Variants in PPIG observed in about 807,000 individuals in gnomAD.
PPIG encodes the protein peptidylprolyl isomerase G.
In PPIG, 26 loss-of-function variants were observed where a neutral mutation model predicts 87.9. The ratio of observed to expected loss-of-function variants is 0.30; its 90% CI spans 0.22 to 0.41. The LOEUF is 0.41. PPIG is among the 10% of genes least tolerant of loss of function. The pLI is 1.00. For missense variants in PPIG, 722 were observed against 879.4 expected (o/e 0.82, Z 2.26); for synonymous variants, 308 against 276.5 (o/e 1.11, Z -1.13).
At chr2:169,631,286 AGTT>A (rs1257602055) in intron 10 of PPIG, among the ~76,000 whole-genome samples, 2 of 152,158 alleles carry the variant, frequency 1.3e-5, no homozygotes, top group Admixed American at 6.5e-5. Context: ...GAAAACCACC[AGTT>A]GTTTTTCCTA....
rs1406130279 is a variant in PPIG at position 169,641,138 on chromosome 2, T to A, written c.*3615T>A. ...GTGGGATGTACAAAATTGTGGCCGCTCTCTTTGTGGAAGGAAAAAACATAA... is the reference window on the plus strand; with the variant it reads ...GTGGGATGTACAAAATTGTGGCCGCACTCTTTGTGGAAGGAAAAAACATAA... On this transcript the variant is annotated 3_prime_UTR_variant, in exon 14 of 14. Coordinates refer to ENST00000260970, the MANE Select transcript of PPIG (RefSeq NM_004792.3). 1.1e-5 allele frequency: 1 copy of A among 87,830 alleles called. No homozygotes were observed. The highest frequency in any genetic ancestry group is 2.8e-5 in the Non-Finnish European group (1 of 36,032). The allele number at this position is 87,830 out of a possible 1,614,324, so 5.4% of individuals were successfully genotyped here. A position where few individuals can be genotyped will look rare whatever the true frequency, so the allele number is the denominator to read the frequency against.
Position 169,636,815 on chromosome 2 carries a change from G to A in PPIG, c.1557G>A (p.Lys519=). 6.2e-7 allele frequency: 1 copy of A among 1,613,480 alleles called. No individual in the cohort carries two copies. The highest frequency in any genetic ancestry group is 1.1e-5 in the South Asian group (1 of 91,024). Residue 519 remains lysine (K), a synonymous_variant, in exon 14 of 14, where the codon AAG becomes AAA. Coordinates refer to ENST00000260970, the MANE Select transcript of PPIG (RefSeq NM_004792.3). ...AGGAAAGGAGTAGAAGTAAAGAGAA[G>A]TCTAAACAGTTAGAATCAAAGAGTA... is the stretch of plus-strand genomic sequence containing the variant. The part of the protein sequence containing the change: ...KDQERSRSKE[K]SKQLESKSNE...
chr2:169,627,954 CT>C, intron 9 of PPIG, among the ~76,000 whole-genome samples: 1 of 151,904 alleles, frequency 6.6e-6, no homozygotes, highest in South Asian at 2.1e-4. Flanking sequence ...AATTTATTTT[CT>C]GTGTTAGATT....
chr2:169,629,823 C>G (rs1311619164), intron 9 of PPIG, among the ~76,000 whole-genome samples: 2 of 152,016 alleles, frequency 1.3e-5, no homozygotes, highest in African/African-American at 4.8e-5. Context: ...GAGCTATTTC[C>G]CTTCATTCAT....
At chr2:169,609,915 G>A (rs953498468) in intron 7 of PPIG, among the ~76,000 whole-genome samples, 4 of 152,150 alleles carry the variant, frequency 2.6e-5, no homozygotes, top group African/African-American at 9.7e-5. Flanking sequence ...AATGCAGTCA[G>A]TTCTCACTAT....
chr2:169,627,551 G>C (rs572086900), intron 9 of PPIG, among the ~76,000 whole-genome samples: 51 of 152,134 alleles, frequency 3.4e-4, no homozygotes, highest in Middle Eastern at 3.4e-3. Flanking sequence ...TTTGGAGACA[G>C]GTTCTCACTC....
intron 12 of PPIG, 108 bp downstream of exon 12, chr2:169,633,355 A>T (rs1322417930): frequency 2.4e-6 from 2 of 831,188 alleles, no homozygotes; most frequent in Non-Finnish European, 4.0e-6. Flanking sequence ...ACTAAAATTT[A>T]GGGGAGATGC....
At position 169,635,006 on chromosome 2, in the gene PPIG, A is replaced by G. The variant is rs117592925; in HGVS notation, c.1018-1086A>G. ...ATAAGCACACATTCCATTAGCTGTG[A>G]AAGTAATGATATCAAAACATGTAAA... On this transcript the variant is annotated intron_variant, in intron 12 of 13. Transcript: ENST00000260970. Among the ~76,000 whole-genome samples, 19 of 152,288 alleles carry G rather than the reference A, an allele frequency of 1.2e-4. No homozygotes were observed. In the South Asian group the frequency reaches 3.9e-3, roughly 32 times the overall value.
Position 169,608,547 on chromosome 2 carries a change from A to G in PPIG, c.290-124A>G, listed in dbSNP as rs1379661964. On this transcript the variant is annotated intron_variant, in intron 6 of 13. Transcript: ENST00000260970. ...ATTTGATTCTCTTCTTTCATAACCT[A>G]ACTTTATTATCTAAGTAAGTTGTGT... 1.5e-5 allele frequency: 8 copies of G among 534,846 alleles called. No individual in the cohort carries two copies. In the East Asian group the frequency reaches 2.7e-4, roughly 18 times the overall value. The allele number at this position is 534,846 out of a possible 1,614,324, so 33.1% of individuals were successfully genotyped here. A position where few individuals can be genotyped will look rare whatever the true frequency, so the allele number is the denominator to read the frequency against.
chr2:169,588,546 G>A (rs373543016), intron 1 of PPIG, among the ~76,000 whole-genome samples: 34 of 152,164 alleles, frequency 2.2e-4, no homozygotes, highest in East Asian at 2.1e-3. Context: ...ATTTTTTTAC[G>A]TAGGAATTAC....
intron 2 of PPIG, 42 bp from the exon 3 acceptor site, chr2:169,603,984 G>C: frequency 6.9e-7 from 1 of 1,452,362 alleles, no homozygotes; most frequent in Non-Finnish European, 9.5e-7. Flanking sequence ...AAAGATCTTT[G>C]CTATTTTAGT....
chr2:169,590,707 GCTAA>G (rs1432796224), intron 1 of PPIG, among the ~76,000 whole-genome samples: 1 of 152,142 alleles, frequency 6.6e-6, no homozygotes, highest in African/African-American at 2.4e-5. Context: ...GTGAACTCTG[GCTAA>G]CTAATTATCT....
chr2:169,593,339 C>T (rs958688362), intron 1 of PPIG, among the ~76,000 whole-genome samples: 1 of 152,000 alleles, frequency 6.6e-6, no homozygotes, highest in Non-Finnish European at 1.5e-5. Context: ...GAATTACAGA[C>T]ACCCACCACC....
intron 7 of PPIG, among the ~76,000 whole-genome samples, chr2:169,611,491 T>A (rs1228801690): frequency 6.6e-6 from 1 of 152,218 alleles, no homozygotes; most frequent in Non-Finnish European, 1.5e-5. Context: ...TTCAAACTGC[T>A]CCAATGAACA....
intron 1 of PPIG, among the ~76,000 whole-genome samples, chr2:169,597,789 AC>A (rs1018987212): frequency 3.2e-4 from 48 of 152,148 alleles, no homozygotes; most frequent in Non-Finnish European, 5.0e-4. Context: ...ATGAGCCACC[AC>A]GCCCAGCTCT....
chr2:169,630,095 C>T (rs1304589250), intron 9 of PPIG, among the ~76,000 whole-genome samples: 3 of 151,748 alleles, frequency 2.0e-5, no homozygotes, highest in African/African-American at 7.3e-5. Context: ...TTATGTTACA[C>T]CTTCTAGCTT....
chr2:169,590,476 T>TA (rs1013706587), intron 1 of PPIG, among the ~76,000 whole-genome samples: 2 of 151,700 alleles, frequency 1.3e-5, no homozygotes, highest in Non-Finnish European at 2.9e-5. Context: ...CCATCTCTAC[T>TA]AAAAAAATAC....
chr2:169,602,748 A>G (rs763769122), intron 1 of PPIG, among the ~76,000 whole-genome samples: 10 of 152,230 alleles, frequency 6.6e-5, no homozygotes, highest in African/African-American at 1.2e-4. Context: ...ATAGTAAGAC[A>G]GTTTTAGGCA....
At chr2:169,608,041 T>A (rs1176802600) in intron 6 of PPIG, among the ~76,000 whole-genome samples, 2 of 152,218 alleles carry the variant, frequency 1.3e-5, no homozygotes, top group Non-Finnish European at 2.9e-5. Flanking sequence ...GTTTCTTGCT[T>A]TTTAAAGATA....
Sources: allele counts gnomAD v4.1 joint callset (sites outside exome capture counted in the v4.1 genomes callset), GRCh38; gene constraint gnomAD v4.1.1; transcripts MANE v1.5; gene names NCBI Gene and HGNC (gene_info 2026-07-23, HGNC 2026-07-21).